SVOP: variants seen among roughly 807,000 people sequenced by gnomAD.
The protein encoded by SVOP is synaptic vesicle 2-related protein.
In SVOP, 17 loss-of-function variants were observed where a neutral mutation model predicts 69.1. That is an observed-to-expected ratio of 0.25 (90% CI 0.17 to 0.37). The LOEUF (loss-of-function observed/expected upper bound fraction) is 0.37, where lower values mean the gene tolerates loss of function less well. Among genes scored for constraint, SVOP ranks in the 10% least tolerant of loss-of-function variants. The pLI is 1.00. For synonymous variants in SVOP, 238 were observed against 238.6 expected, an observed-to-expected ratio of 1.00 and a Z score of 0.02; for missense variants, 435 against 597.5, an observed-to-expected ratio of 0.73 and a Z score of 2.84.
At chr12:108,977,539 G>T in intron 3 of SVOP, 43 bp from the exon 4 acceptor site, 2 of 1,398,654 alleles carry the variant, frequency 1.4e-6, no homozygotes, top group South Asian at 1.2e-5. Flanking sequence ...GATGCTGCTT[G>T]GTGCTGGGGA....
intron 14 of SVOP, among the ~76,000 whole-genome samples, chr12:108,917,686 A>G (rs1181113792): frequency 1.3e-5 from 2 of 149,104 alleles, no homozygotes; most frequent in South Asian, 4.3e-4. Context: ...TCCATTGCCC[A>G]GGCTGGAGTA....
intron 12 of SVOP, among the ~76,000 whole-genome samples, chr12:108,922,135 T>C (rs926551199): frequency 6.6e-6 from 1 of 152,166 alleles, no homozygotes; most frequent in Non-Finnish European, 1.5e-5. Context: ...CAGGCTACCA[T>C]GTCAGAGTTG....
At position 108,937,247 on chromosome 12, in the gene SVOP, C is replaced by CA. The variant is rs757774505; in HGVS notation, c.971+16dup. ...GGGAGTGGAAAGGGGTCAAAGTGGT[C>CA]AACAAACAGCTCTTACCATATAAAC... On this transcript the variant is annotated intron_variant, in intron 10 of 15. Coordinates refer to ENST00000610966, the MANE Select transcript of SVOP (RefSeq NM_018711.5). 1 of 1,613,752 alleles carries CA rather than the reference C, an allele frequency of 6.2e-7. No individual in the cohort carries two copies. The highest frequency in any genetic ancestry group is 2.2e-5 in the East Asian group (1 of 44,884).
intron 1 of SVOP, among the ~76,000 whole-genome samples, chr12:109,014,524 T>C (rs2040358314): frequency 6.6e-6 from 1 of 152,204 alleles, no homozygotes; most frequent in African/African-American, 2.4e-5. Context: ...ATCTCTTCAA[T>C]ACCCTGCTTC....
chr12:108,987,543 C>T (rs1055029931), intron 1 of SVOP, among the ~76,000 whole-genome samples: 1 of 152,156 alleles, frequency 6.6e-6, no homozygotes, highest in African/African-American at 2.4e-5. Context: ...GTGGCTGCAC[C>T]GTTTTGTATT....
At chr12:108,948,901 C>T (rs560508323) in intron 6 of SVOP, among the ~76,000 whole-genome samples, 295 of 152,140 alleles carry the variant, frequency 1.9e-3, no homozygotes, top group African/African-American at 6.7e-3. Context: ...TTCTGTTTTC[C>T]GAATGGTATG....
At chr12:108,976,764 C>G (rs1354945840) in intron 4 of SVOP, among the ~76,000 whole-genome samples, 1 of 151,842 alleles carries the variant, frequency 6.6e-6, no homozygotes, top group Non-Finnish European at 1.5e-5. Context: ...TACAGGCGCC[C>G]CCACCACGCC....
At chr12:108,983,547 T>C (rs1031638605) in intron 2 of SVOP, 54 bp downstream of exon 2, 2 of 398,634 alleles carry the variant, frequency 5.0e-6, no homozygotes, top group Admixed American at 4.4e-5. Flanking sequence ...GCCTGCTGGG[T>C]AGGCAACCTT....
chr12:109,009,559 C>T (rs1331329556), intron 1 of SVOP, among the ~76,000 whole-genome samples: 2 of 151,908 alleles, frequency 1.3e-5, no homozygotes, highest in Admixed American at 6.6e-5. Context: ...ATTACAGGCA[C>T]CCGCCACCAC....
chr12:109,004,220 G>T (rs1372484370), intron 1 of SVOP, among the ~76,000 whole-genome samples: 2 of 152,086 alleles, frequency 1.3e-5, no homozygotes, highest in African/African-American at 4.8e-5. Flanking sequence ...CTTGCCATTT[G>T]TTGTATATGT....
Position 108,922,683 on chromosome 12 carries a change from C to G in SVOP, c.1156+7G>C, listed in dbSNP as rs1247359739. 1 of 1,595,476 alleles carries G rather than the reference C, an allele frequency of 6.3e-7. No homozygotes were observed. ...TGACACAGCTTCACCTTGCACAGGT[C>G]CCTCACCTGGAAACTCAGAGAGGGT... On this transcript the variant is annotated splice_region_variant and intron_variant, in intron 12 of 15. Coordinates refer to ENST00000610966, the MANE Select transcript of SVOP (RefSeq NM_018711.5).
intron 6 of SVOP, among the ~76,000 whole-genome samples, chr12:108,955,938 T>C (rs2039982995): frequency 6.6e-6 from 1 of 152,136 alleles, no homozygotes; most frequent in African/African-American, 2.4e-5. Flanking sequence ...ATACAGCTAT[T>C]ATGTGACAGA....
At chr12:108,998,199 G>C (rs1354699212) in intron 1 of SVOP, among the ~76,000 whole-genome samples, 3 of 152,212 alleles carry the variant, frequency 2.0e-5, no homozygotes, top group African/African-American at 7.2e-5. Flanking sequence ...TCAACTGGAA[G>C]AAAGAGTATC....
intron 6 of SVOP, among the ~76,000 whole-genome samples, chr12:108,958,852 A>G (rs987707010): frequency 6.6e-6 from 1 of 151,796 alleles, no homozygotes; most frequent in South Asian, 2.1e-4. Context: ...CCCAATCTGA[A>G]ACACCTCTGA....
chr12:108,978,074 TA>T lies in SVOP; in HGVS notation c.282+503del, dbSNP rs960799638. Among the ~76,000 whole-genome samples, 24 of 152,104 alleles carry T rather than the reference TA, an allele frequency of 1.6e-4. No homozygotes were observed. In the South Asian group the frequency reaches 2.1e-3, roughly 13 times the overall value. ...ATACGATAAAGGCAGCTTTTCCAAT[TA>T]GGGGGGGAAATGTTGTGGGGAAATT... On this transcript the variant is annotated intron_variant, in intron 3 of 15. Transcript: ENST00000610966.
At chr12:108,998,242 G>A (rs376554644) in intron 1 of SVOP, among the ~76,000 whole-genome samples, 5 of 151,148 alleles carry the variant, frequency 3.3e-5, no homozygotes, top group Admixed American at 6.6e-5. Context: ...GAAATGAAGC[G>A]AGAAGGGAAG....
intron 4 of SVOP, among the ~76,000 whole-genome samples, chr12:108,976,237 T>C (rs2040105638): frequency 6.6e-6 from 1 of 152,104 alleles, no homozygotes. Flanking sequence ...CATGAAACTC[T>C]TCCCACTGAG....
intron 1 of SVOP, among the ~76,000 whole-genome samples, chr12:109,003,171 G>A (rs551762934): frequency 1.3e-5 from 2 of 152,196 alleles, no homozygotes; most frequent in Non-Finnish European, 2.9e-5. Flanking sequence ...CATTTGGGAA[G>A]GACACATAAG....
intron 1 of SVOP, among the ~76,000 whole-genome samples, chr12:108,988,834 A>G (rs144694554): frequency 0.89 from 130,881 of 146,530 alleles, 59,373 homozygotes; most frequent in Non-Finnish European, 0.99. Context: ...GTGCAATGGC[A>G]TGATCTCTGG....
Sources: allele counts gnomAD v4.1 joint callset (sites outside exome capture counted in the v4.1 genomes callset), GRCh38; gene constraint gnomAD v4.1.1; transcripts MANE v1.5; gene names NCBI Gene and HGNC (gene_info 2026-07-23, HGNC 2026-07-21).